The following NHS variants were observed in gnomAD, a reference collection of about 807,000 sequenced individuals.
NHS encodes the protein NHS actin remodeling regulator, also known as actin remodeling regulator NHS.
A neutral mutation model predicts 72.5 loss-of-function variants in NHS; 5 were observed. The ratio of observed to expected loss-of-function variants is 0.07; its 90% CI spans 0.04 to 0.14. NHS has a LOEUF of 0.14. NHS is among the 10% of genes least tolerant of loss of function. The probability of loss-of-function intolerance (pLI) is 1.00; values close to 1 mark genes in which losing one functional copy is unlikely to be tolerated. For missense variants in NHS, 1,072 were observed against 1,355.7 expected (o/e 0.79, Z 3.29); for synonymous variants, 464 against 547.7 (o/e 0.85, Z 2.13).
intron 1 of NHS, among the ~76,000 whole-genome samples, chrX:17,447,097 T>C (rs1348144587): frequency 1.8e-5 from 2 of 111,883 alleles, no homozygotes; most frequent in Non-Finnish European, 3.8e-5. Flanking sequence ...TGCTGGGTGG[T>C]GAGAAGCTGG....
chrX:17,493,338 T>A (rs1199945552), intron 1 of NHS, among the ~76,000 whole-genome samples: 1 of 112,267 alleles, frequency 8.9e-6, no homozygotes, highest in African/African-American at 3.2e-5. Context: ...GTCCCAGAAG[T>A]GTGGACTGGG....
intron 5 of NHS, among the ~76,000 whole-genome samples, chrX:17,723,701 T>C (rs1039144163): frequency 9.4e-6 from 1 of 106,689 alleles, no homozygotes; most frequent in Non-Finnish European, 1.9e-5. Context: ...ATCCTTAGAC[T>C]GTTGAGTTTC....
At chrX:17,569,011 C>T (rs941244189) in intron 1 of NHS, among the ~76,000 whole-genome samples, 1 of 111,550 alleles carries the variant, frequency 9.0e-6, no homozygotes, top group African/African-American at 3.3e-5. Context: ...TTTTTCATGG[C>T]TGCATATTAT....
At chrX:17,498,195 C>T (rs1331912258) in intron 1 of NHS, among the ~76,000 whole-genome samples, 1 of 112,119 alleles carries the variant, frequency 8.9e-6, no homozygotes, top group East Asian at 2.8e-4. Context: ...CTCGATATTA[C>T]CAAATTATTC....
chrX:17,721,374 G>A, intron 4 of NHS, 67 bp from the exon 5 acceptor site: 1 of 1,110,027 alleles, frequency 9.0e-7, no homozygotes, highest in Non-Finnish European at 1.2e-6. Context: ...TCTAAACTAG[G>A]AAATTCCTTA....
rs2066494421 is a variant in NHS at position 17,732,367 on chromosome X, G to A, written c.4859G>A (p.Arg1620Gln). ...AGCAGCCGCTACAGTGTCCGCTGCC[G>A]GCTGTACAATACGCCCATGCAGGCA... ...ASSSRYSVRC[R>Q]LYNTPMQAIS... Residue 1620 changes from arginine (R) to glutamine (Q), a missense_variant, in exon 9 of 9, where the codon CGG becomes CAG. Arg to Gln is a conservative substitution (Grantham distance 43, BLOSUM62 1). Coordinates refer to ENST00000676302, the MANE Select transcript of NHS (RefSeq NM_001291867.2). 8.2e-7 allele frequency: 1 copy of A among 1,212,503 alleles called. No homozygotes were observed. Among genetic ancestry groups the A allele is most frequent in the Non-Finnish European group, 1.1e-6 (1 of 895,682 alleles).
At chrX:17,424,538 T>C (rs1362900729) in intron 1 of NHS, among the ~76,000 whole-genome samples, 1 of 112,114 alleles carries the variant, frequency 8.9e-6, no homozygotes, top group Non-Finnish European at 1.9e-5. Flanking sequence ...TCCACCGCTC[T>C]TGCCCCGGTG....
intron 3 of NHS, among the ~76,000 whole-genome samples, chrX:17,718,189 C>T (rs948610320): frequency 9.1e-6 from 1 of 109,875 alleles, no homozygotes; most frequent in East Asian, 2.9e-4. Flanking sequence ...GGAAACTGAC[C>T]TTGGGGAGGT....
At chrX:17,555,724 G>A (rs1442561343) in intron 1 of NHS, among the ~76,000 whole-genome samples, 1 of 111,618 alleles carries the variant, frequency 9.0e-6, no homozygotes, top group Non-Finnish European at 1.9e-5. Context: ...ATCTTGGAGT[G>A]TGAAGCAGGA....
At chrX:17,551,133 T>C (rs1601764158) in intron 1 of NHS, among the ~76,000 whole-genome samples, 1 of 111,965 alleles carries the variant, frequency 8.9e-6, no homozygotes, top group East Asian at 2.8e-4. Context: ...TTAATTTTTC[T>C]CCATAGCGTG....
chrX:17,556,932 G>A (rs2065378110), intron 1 of NHS, among the ~76,000 whole-genome samples: 1 of 108,798 alleles, frequency 9.2e-6, no homozygotes, highest in Admixed American at 9.9e-5. Context: ...CTAAAAAATG[G>A]ACTACTATAC....
intron 1 of NHS, among the ~76,000 whole-genome samples, chrX:17,606,392 G>A (rs2065679602): frequency 8.9e-6 from 1 of 111,966 alleles, no homozygotes; most frequent in Non-Finnish European, 1.9e-5. Context: ...TCATGAGAGG[G>A]TAGGTTTGCT....
At chrX:17,637,456 G>A (rs975746457) in intron 1 of NHS, among the ~76,000 whole-genome samples, 3 of 111,176 alleles carry the variant, frequency 2.7e-5, no homozygotes, top group African/African-American at 3.3e-5. Context: ...AGCTGCTGGC[G>A]TGTCATGAGT....
At chrX:17,590,098 C>T (rs1243316379) in intron 1 of NHS, among the ~76,000 whole-genome samples, 1 of 111,854 alleles carries the variant, frequency 8.9e-6, no homozygotes, top group Non-Finnish European at 1.9e-5. Flanking sequence ...AATGGGCAAA[C>T]ATTTTTTAAA....
chrX:17,571,978 G>A (rs2065481495), intron 1 of NHS, among the ~76,000 whole-genome samples: 1 of 112,231 alleles, frequency 8.9e-6, no homozygotes, highest in African/African-American at 3.2e-5. Context: ...GTGTAGTTTT[G>A]AGTGAGTTTC....
intron 1 of NHS, among the ~76,000 whole-genome samples, chrX:17,442,727 G>A (rs1471710521): frequency 2.7e-5 from 3 of 112,445 alleles, no homozygotes; most frequent in Non-Finnish European, 5.6e-5. Flanking sequence ...TGACTGTAAA[G>A]TTACATAACT....
chrX:17,594,284 A>G (rs780320043), intron 1 of NHS, among the ~76,000 whole-genome samples: 28 of 112,321 alleles, frequency 2.5e-4, no homozygotes, highest in Middle Eastern at 4.6e-3. Flanking sequence ...ACCAAAACCA[A>G]AAACAAAAAA....
intron 1 of NHS, among the ~76,000 whole-genome samples, chrX:17,535,545 TCA>T (rs1018553746): frequency 4.5e-5 from 5 of 111,341 alleles, no homozygotes; most frequent in Non-Finnish European, 7.5e-5. Context: ...ATGGTATATT[TCA>T]GTCTGGGGAG....
intron 3 of NHS, among the ~76,000 whole-genome samples, chrX:17,713,824 C>G (rs921755026): frequency 1.8e-5 from 2 of 112,039 alleles, no homozygotes; most frequent in Non-Finnish European, 3.8e-5. Flanking sequence ...AATCTTCCTT[C>G]ATTATATACC....
Sources: allele counts gnomAD v4.1 joint callset (sites outside exome capture counted in the v4.1 genomes callset), GRCh38; gene constraint gnomAD v4.1.1; transcripts MANE v1.5; gene names NCBI Gene and HGNC (gene_info 2026-07-23, HGNC 2026-07-21).